The following HMGA2 variants were observed in gnomAD, a reference collection of about 807,000 sequenced individuals.
HMGA2 encodes the protein high mobility group protein HMGI-C.
Under a neutral mutation model 19.1 loss-of-function variants are expected in HMGA2, and 8 were observed. The ratio of observed to expected loss-of-function variants is 0.42; its 90% CI spans 0.25 to 0.76. The LOEUF is 0.76. HMGA2 is among the 30% of genes least tolerant of loss of function. The pLI, the probability that HMGA2 is intolerant of heterozygous loss-of-function variation, is 0.28. For synonymous variants in HMGA2, 60 were observed against 48.8 expected, an observed-to-expected ratio of 1.23 and a Z score of -0.96; for missense variants, 109 against 136.3, an observed-to-expected ratio of 0.80 and a Z score of 1.00.
At chr12:65,952,251 A>G in intron 4 of HMGA2, 1 of 787,354 alleles carries the variant, frequency 1.3e-6, no homozygotes, top group Non-Finnish European at 2.1e-6. Context: ...AAGCAGTGTC[A>G]TGAGCTATCA....
At chr12:65,899,018 TGGGC>T (rs1874257409) in intron 3 of HMGA2, among the ~76,000 whole-genome samples, 1 of 118,704 alleles carries the variant, frequency 8.4e-6, no homozygotes, top group Admixed American at 1.3e-4. Flanking sequence ...CACTCCAGCC[TGGGC>T]AACAGAGCGA....
intron 4 of HMGA2, among the ~76,000 whole-genome samples, chr12:65,962,043 C>T (rs1159472884): frequency 6.6e-6 from 1 of 152,098 alleles, no homozygotes; most frequent in Admixed American, 6.5e-5. Context: ...TGTGGAAAAT[C>T]AAATCTATTA....
chr12:65,944,854 G>T (rs1000544215), intron 3 of HMGA2, among the ~76,000 whole-genome samples: 2 of 152,070 alleles, frequency 1.3e-5, no homozygotes, highest in African/African-American at 4.8e-5. Flanking sequence ...TTTGCATCTA[G>T]AAATCAGAGA....
chr12:65,914,066 AT>A (rs1874965765), intron 3 of HMGA2, among the ~76,000 whole-genome samples: 1 of 152,188 alleles, frequency 6.6e-6, no homozygotes, highest in African/African-American at 2.4e-5. Context: ...TAGTTCAACC[AT>A]TGTGGAAGTC....
chr12:65,962,071 T>C (rs1258309744), intron 4 of HMGA2, among the ~76,000 whole-genome samples: 3 of 152,220 alleles, frequency 2.0e-5, no homozygotes, highest in Admixed American at 2.0e-4. Flanking sequence ...AAGACTGTTA[T>C]AAGCTGTTTT....
Position 65,881,992 on chromosome 12 carries a change from C to T in HMGA2, c.249+43423C>T, listed in dbSNP as rs778961538. 14 of 691,698 alleles carry T rather than the reference C, an allele frequency of 2.0e-5. 1 individual carries two copies. Among genetic ancestry groups the T allele is most frequent in the South Asian group, 2.0e-4 (13 of 66,312 alleles). 42.8% of individuals were successfully genotyped at this position (691,698 alleles called of 1,614,324 possible). On this transcript the variant is annotated intron_variant, in intron 3 of 4. Coordinates refer to ENST00000403681, the MANE Select transcript of HMGA2 (RefSeq NM_003483.6). ...GCAGCTGAACGTCTCCATCTCCTGT[C>T]CCTGGGCGGTCAGTCGCTGGCATGG... is the stretch of plus-strand genomic sequence containing the variant.
intron 3 of HMGA2, among the ~76,000 whole-genome samples, chr12:65,928,744 G>T (rs901276984): frequency 2.6e-5 from 4 of 152,102 alleles, no homozygotes; most frequent in Admixed American, 2.6e-4. Context: ...CACACATAGG[G>T]TGTGGATGAT....
intron 3 of HMGA2, among the ~76,000 whole-genome samples, chr12:65,937,884 C>G (rs1446895027): frequency 6.6e-6 from 1 of 152,172 alleles, no homozygotes; most frequent in African/African-American, 2.4e-5. Context: ...AAAGACAAAC[C>G]AGCACAGAGA....
intron 3 of HMGA2, among the ~76,000 whole-genome samples, chr12:65,844,537 T>C (rs190805162): frequency 3.2e-4 from 49 of 152,348 alleles, no homozygotes; most frequent in Admixed American, 6.5e-4. Context: ...ATAAGTCATA[T>C]CTAAAAGTGA....
chr12:65,830,534 T>C (rs1870434394), intron 2 of HMGA2, among the ~76,000 whole-genome samples: 1 of 151,850 alleles, frequency 6.6e-6, no homozygotes. Context: ...GACTGGTAAG[T>C]ATATGAGAAG....
chr12:65,833,072 C>T (rs909802016), intron 2 of HMGA2, among the ~76,000 whole-genome samples: 2 of 151,924 alleles, frequency 1.3e-5, no homozygotes, highest in Non-Finnish European at 2.9e-5. Flanking sequence ...TAGGCAGGAA[C>T]TACAATGGGT....
At chr12:65,875,523 A>C (rs1188910029) in intron 3 of HMGA2, among the ~76,000 whole-genome samples, 1 of 145,290 alleles carries the variant, frequency 6.9e-6, no homozygotes, top group African/African-American at 2.5e-5. Context: ...TCACGGGTTC[A>C]AGCCATTCTC....
intron 3 of HMGA2, among the ~76,000 whole-genome samples, chr12:65,925,943 C>A (rs1443491391): frequency 6.6e-6 from 1 of 152,166 alleles, no homozygotes; most frequent in Non-Finnish European, 1.5e-5. Flanking sequence ...TTGGGGAACG[C>A]TTCCTTTGAG....
At chr12:65,893,362 T>C (rs1480501908) in intron 3 of HMGA2, among the ~76,000 whole-genome samples, 1 of 152,216 alleles carries the variant, frequency 6.6e-6, no homozygotes, top group East Asian at 1.9e-4. Context: ...GCCAAATGGA[T>C]ACATGCGAAA....
intron 3 of HMGA2, chr12:65,934,869 G>T (rs1464608835): frequency 3.3e-5 from 5 of 152,206 alleles, no homozygotes; most frequent in Non-Finnish European, 7.3e-5. Flanking sequence ...CAGCCAAGCA[G>T]GTGTTACCCT....
chr12:65,921,360 C>T (rs964836269), intron 3 of HMGA2, among the ~76,000 whole-genome samples: 2 of 152,056 alleles, frequency 1.3e-5, no homozygotes, highest in East Asian at 1.9e-4. Context: ...CCCGGGTTCA[C>T]GCCATTCTCC....
intron 3 of HMGA2, among the ~76,000 whole-genome samples, chr12:65,910,296 A>G (rs1874789153): frequency 6.6e-6 from 1 of 152,210 alleles, no homozygotes; most frequent in South Asian, 2.1e-4. Flanking sequence ...GGTCCCCATC[A>G]CCAAGAGCAG....
At chr12:65,921,595 G>T (rs959237153) in intron 3 of HMGA2, among the ~76,000 whole-genome samples, 3 of 147,114 alleles carry the variant, frequency 2.0e-5, no homozygotes, top group African/African-American at 7.7e-5. Flanking sequence ...TGGAAGATTT[G>T]CAGCCTGACT....
intron 3 of HMGA2, among the ~76,000 whole-genome samples, chr12:65,860,879 G>A (rs1336164475): frequency 6.6e-6 from 1 of 152,128 alleles, no homozygotes; most frequent in African/African-American, 2.4e-5. Context: ...AGCAGATGTT[G>A]GAAAATATTC....
Sources: gnomAD v4.1 joint callset for allele counts (sites outside exome capture counted in the v4.1 genomes callset) on GRCh38, gnomAD v4.1.1 for gene constraint, MANE v1.5 for transcripts, NCBI Gene and HGNC (gene_info 2026-07-23, HGNC 2026-07-21) for gene names.